The following CCDC170 variants were observed in gnomAD, a reference collection of about 807,000 sequenced individuals.
CCDC170 encodes the protein coiled-coil domain containing 170.
A neutral mutation model predicts 72.6 loss-of-function variants in CCDC170; 69 were observed. The observed-to-expected ratio is 0.95, with a 90% confidence interval of 0.78 to 1.16. The LOEUF (loss-of-function observed/expected upper bound fraction) is 1.16. Among genes scored for constraint, CCDC170 ranks in the 50% most tolerant of loss-of-function variants. CCDC170 has a pLI of 0.00. For synonymous variants in CCDC170, 300 were observed against 303.9 expected (o/e 0.99, Z 0.13); for missense variants, 852 against 832.5 (o/e 1.02, Z -0.29).
chr6:151,564,922 G>A (rs941721486), intron 5 of CCDC170, among the ~76,000 whole-genome samples: 11 of 152,180 alleles, frequency 7.2e-5, no homozygotes, highest in Admixed American at 2.0e-4. Context: ...TAGGGGAGGC[G>A]GTAGCTGCAG....
chr6:151,514,386 A>G (rs1221552783), intron 1 of CCDC170, among the ~76,000 whole-genome samples: 1 of 133,634 alleles, frequency 7.5e-6, no homozygotes, highest in Non-Finnish European at 1.6e-5. Flanking sequence ...GAAGGAAGGA[A>G]GGAAGGAAGG....
intron 6 of CCDC170, among the ~76,000 whole-genome samples, chr6:151,580,545 G>A (rs1346286736): frequency 6.6e-6 from 1 of 152,052 alleles, no homozygotes; most frequent in South Asian, 2.1e-4. Flanking sequence ...TGGTAAGCAG[G>A]AAAGGTAGGA....
chr6:151,607,623 G>A (rs1036435389), intron 9 of CCDC170, among the ~76,000 whole-genome samples: 1 of 126,560 alleles, frequency 7.9e-6, no homozygotes, highest in Admixed American at 8.1e-5. Context: ...GTGTATTGTT[G>A]ATAGGCATTT....
intron 1 of CCDC170, among the ~76,000 whole-genome samples, chr6:151,519,751 C>T (rs537661955): frequency 7.9e-5 from 12 of 152,156 alleles, no homozygotes; most frequent in South Asian, 2.1e-4. Context: ...ATTCCCAGAC[C>T]GGAGGGTTTG....
At chr6:151,535,323 G>A (rs1782557875) in intron 1 of CCDC170, among the ~76,000 whole-genome samples, 1 of 152,178 alleles carries the variant, frequency 6.6e-6, no homozygotes, top group Non-Finnish European at 1.5e-5. Context: ...GCAACCACCA[G>A]TGGAGCTGAG....
intron 4 of CCDC170, among the ~76,000 whole-genome samples, chr6:151,547,947 A>C (rs1782803335): frequency 6.6e-6 from 1 of 152,224 alleles, no homozygotes. Flanking sequence ...ACTTGACTGC[A>C]GAAGGTCTGA....
At chr6:151,518,273 G>T (rs1365171372) in intron 1 of CCDC170, among the ~76,000 whole-genome samples, 5 of 152,160 alleles carry the variant, frequency 3.3e-5, no homozygotes, top group Non-Finnish European at 7.3e-5. Flanking sequence ...CACTTTCTAA[G>T]CCAGCCCATC....
rs561831230 is a variant in CCDC170 at position 151,541,847 on chromosome 6, A to G, written c.444-2725A>G. ...TGTATATATATAAATATAAGTATAT[A>G]TAAAAAATATAAATATAAATATATA... On this transcript the variant is annotated intron_variant, in intron 3 of 10. Coordinates refer to ENST00000239374, the MANE Select transcript of CCDC170 (RefSeq NM_025059.4). Among the ~76,000 whole-genome samples, 85 of 144,120 alleles carry G rather than the reference A, an allele frequency of 5.9e-4. 1 individual carries two copies. The highest frequency in any genetic ancestry group is 1.3e-3 in the South Asian group (6 of 4,722). 94.5% of individuals were successfully genotyped at this position (144,120 alleles called of 152,430 possible). A position where few individuals can be genotyped will look rare whatever the true frequency, so the allele number is the denominator to read the frequency against.
rs529265603 is a variant in CCDC170, at chr6:151,613,924, C to T, written c.1711-1519C>T. Among the ~76,000 whole-genome samples the T allele has an allele frequency of 1.4e-4, 22 of 152,242 alleles. No homozygotes were observed. The South Asian group carries it at 3.7e-3, about 26-fold the overall frequency. Reference sequence around the variant, plus strand: ...TTTTAAAAACTGGCAAACTATTTTCCACAGTAGCCACATCATTTTACATAC... The same window carrying T: ...TTTTAAAAACTGGCAAACTATTTTCTACAGTAGCCACATCATTTTACATAC... On this transcript the variant is annotated intron_variant, in intron 9 of 10. Transcript: ENST00000239374.
At chr6:151,541,853 A>T (rs1007094832) in intron 3 of CCDC170, among the ~76,000 whole-genome samples, 5 of 135,984 alleles carry the variant, frequency 3.7e-5, no homozygotes, top group Admixed American at 1.6e-4. Context: ...ATATATAAAA[A>T]ATATAAATAT....
chr6:151,518,761 G>A (rs1312234232), intron 1 of CCDC170, among the ~76,000 whole-genome samples: 1 of 152,172 alleles, frequency 6.6e-6, no homozygotes, highest in Non-Finnish European at 1.5e-5. Context: ...GCCTCCATGG[G>A]TGACATCACA....
At chr6:151,560,432 T>C (rs1334301439) in intron 5 of CCDC170, among the ~76,000 whole-genome samples, 1 of 152,208 alleles carries the variant, frequency 6.6e-6, no homozygotes, top group Non-Finnish European at 1.5e-5. Context: ...AAAATGTACA[T>C]TCTGTGGTTG....
At chr6:151,512,172 T>G (rs1017006079) in intron 1 of CCDC170, among the ~76,000 whole-genome samples, 5 of 150,100 alleles carry the variant, frequency 3.3e-5, no homozygotes, top group Middle Eastern at 3.4e-3. Flanking sequence ...GTTTTTTTTT[T>G]TTTTTGAGAT....
intron 5 of CCDC170, among the ~76,000 whole-genome samples, chr6:151,562,672 A>G (rs1040708697): frequency 6.6e-6 from 1 of 152,150 alleles, no homozygotes. Flanking sequence ...TATTTTGTGG[A>G]ATAGCACTAA....
At chr6:151,566,762 C>T (rs1296905589) in intron 5 of CCDC170, among the ~76,000 whole-genome samples, 1 of 152,074 alleles carries the variant, frequency 6.6e-6, no homozygotes, top group Non-Finnish European at 1.5e-5. Context: ...TTTATTATGA[C>T]TAAAATTCCC....
At chr6:151,516,834 T>C (rs1782242871) in intron 1 of CCDC170, among the ~76,000 whole-genome samples, 1 of 152,194 alleles carries the variant, frequency 6.6e-6, no homozygotes, top group African/African-American at 2.4e-5. Flanking sequence ...CTAATCTTAT[T>C]ATGCAAATGG....
intron 3 of CCDC170, among the ~76,000 whole-genome samples, chr6:151,542,024 C>T (rs1583017890): frequency 6.6e-6 from 1 of 150,860 alleles, no homozygotes; most frequent in East Asian, 2.0e-4. Flanking sequence ...GGATTACAGG[C>T]ATGTGCCACC....
chr6:151,592,966 G>A (rs1263687328), intron 7 of CCDC170, 141 bp from the exon 8 acceptor site: 6 of 826,418 alleles, frequency 7.3e-6, no homozygotes, highest in African/African-American at 1.7e-5. Context: ...TACCACATAT[G>A]GGTCAGAGTC....
intron 5 of CCDC170, among the ~76,000 whole-genome samples, chr6:151,559,472 A>C (rs898098004): frequency 2.6e-5 from 4 of 152,104 alleles, no homozygotes; most frequent in Non-Finnish European, 4.4e-5. Context: ...GGTATTGCAA[A>C]TGGGATTACC....
Sources: gnomAD v4.1 joint callset for allele counts (sites outside exome capture counted in the v4.1 genomes callset) on GRCh38, gnomAD v4.1.1 for gene constraint, MANE v1.5 for transcripts, NCBI Gene and HGNC (gene_info 2026-07-23, HGNC 2026-07-21) for gene names.